FSTL5: variants seen among roughly 807,000 people sequenced by gnomAD.
FSTL5 encodes the protein follistatin like 5.
FSTL5 carries 62 observed loss-of-function variants against 89.1 expected under a neutral mutation model. The ratio of observed to expected loss-of-function variants is 0.70; its 90% CI spans 0.57 to 0.86. The LOEUF (loss-of-function observed/expected upper bound fraction) is 0.86. FSTL5 is among the 40% of genes least tolerant of loss of function. FSTL5 has a pLI of 0.00. For missense variants in FSTL5, 1,057 were observed against 1,001.6 expected, an observed-to-expected ratio of 1.06 and a Z score of -0.75; for synonymous variants, 383 against 346.2, an observed-to-expected ratio of 1.11 and a Z score of -1.18.
intron 6 of FSTL5, among the ~76,000 whole-genome samples, chr4:161,743,963 T>C (rs894400067): frequency 6.6e-6 from 1 of 152,182 alleles, no homozygotes; most frequent in Admixed American, 6.5e-5. Context: ...CTCTTCCTTC[T>C]AGTAGAATTC....
intron 2 of FSTL5, among the ~76,000 whole-genome samples, chr4:162,060,455 TGA>T (rs1162604827): frequency 5.3e-5 from 8 of 152,072 alleles, no homozygotes; most frequent in Non-Finnish European, 1.0e-4. Flanking sequence ...TAATAATGTA[TGA>T]GTCTATCTAA....
intron 3 of FSTL5, among the ~76,000 whole-genome samples, chr4:161,922,856 G>A (rs905575649): frequency 4.0e-5 from 6 of 151,828 alleles, no homozygotes; most frequent in African/African-American, 1.4e-4. Flanking sequence ...ATATGGTACT[G>A]GGCAAGTTTT....
chr4:161,713,752 A>G (rs1052559534), intron 6 of FSTL5, among the ~76,000 whole-genome samples: 14 of 152,106 alleles, frequency 9.2e-5, no homozygotes, highest in Admixed American at 2.6e-4. Context: ...TTTTCTTAAC[A>G]TTACAAAATA....
At chr4:161,529,424 A>G (rs1731337057) in intron 10 of FSTL5, among the ~76,000 whole-genome samples, 1 of 142,712 alleles carries the variant, frequency 7.0e-6, no homozygotes, top group Non-Finnish European at 1.5e-5. Flanking sequence ...AATTTATTAT[A>G]AATAATGAAA....
chr4:162,134,051 TTGTC>T (rs1331908051), intron 1 of FSTL5, among the ~76,000 whole-genome samples: 3 of 152,188 alleles, frequency 2.0e-5, no homozygotes, highest in African/African-American at 4.8e-5. Flanking sequence ...GTTTTGGTGT[TTGTC>T]TGTCAACTTT....
At chr4:161,824,617 A>T (rs1160902524) in intron 4 of FSTL5, among the ~76,000 whole-genome samples, 1 of 152,108 alleles carries the variant, frequency 6.6e-6, no homozygotes, top group Non-Finnish European at 1.5e-5. Flanking sequence ...TTCTTTCAGC[A>T]GTATTTTGTA....
At chr4:161,392,690 C>T (rs1046050636) in intron 15 of FSTL5, among the ~76,000 whole-genome samples, 1 of 152,008 alleles carries the variant, frequency 6.6e-6, no homozygotes, top group Non-Finnish European at 1.5e-5. Flanking sequence ...GAAAAAATAA[C>T]CTGAAAATCT....
chr4:162,048,514 C>A (rs1328603524), intron 2 of FSTL5, among the ~76,000 whole-genome samples: 1 of 151,804 alleles, frequency 6.6e-6, no homozygotes, highest in Non-Finnish European at 1.5e-5. Flanking sequence ...TCATATAAGA[C>A]CTTCACTACT....
chr4:161,783,202 A>G (rs6841860), intron 4 of FSTL5, among the ~76,000 whole-genome samples: 111,514 of 152,032 alleles, frequency 0.73, 40,960 homozygotes, highest in Non-Finnish European at 0.76. Context: ...ATTATAACTC[A>G]TCAAATGCAT....
At chr4:162,030,921 G>A (rs575139490) in intron 3 of FSTL5, among the ~76,000 whole-genome samples, 5 of 152,140 alleles carry the variant, frequency 3.3e-5, no homozygotes, top group South Asian at 2.1e-4. Context: ...CTTATTCTAG[G>A]TATGTTCCTC....
intron 7 of FSTL5, among the ~76,000 whole-genome samples, chr4:161,596,732 T>C (rs992228115): frequency 1.3e-5 from 2 of 152,148 alleles, no homozygotes; most frequent in Non-Finnish European, 2.9e-5. Context: ...ACAATGTAAT[T>C]CGTTAAAAGT....
At chr4:161,827,162 T>G (rs1050576890) in intron 4 of FSTL5, among the ~76,000 whole-genome samples, 3 of 152,180 alleles carry the variant, frequency 2.0e-5, no homozygotes, top group African/African-American at 7.2e-5. Context: ...TGATGTGGTG[T>G]TCTCCCCCTT....
chr4:161,738,106 TG>T (rs1259054399), intron 6 of FSTL5, among the ~76,000 whole-genome samples: 1 of 152,112 alleles, frequency 6.6e-6, no homozygotes, highest in Non-Finnish European at 1.5e-5. Context: ...ATAGTAATTA[TG>T]TTACACATTT....
At chr4:161,910,860 C>A (rs1733669482) in intron 4 of FSTL5, among the ~76,000 whole-genome samples, 1 of 152,056 alleles carries the variant, frequency 6.6e-6, no homozygotes, top group African/African-American at 2.4e-5. Flanking sequence ...ATTTATTTTT[C>A]TATAAATCTG....
chr4:161,542,275 A>G (rs1397109483), intron 9 of FSTL5, among the ~76,000 whole-genome samples: 1 of 152,050 alleles, frequency 6.6e-6, no homozygotes, highest in Admixed American at 6.6e-5. Context: ...TATTTTAAAG[A>G]TACATAATTT....
chr4:162,096,015 T>C (rs1183138240), intron 2 of FSTL5, among the ~76,000 whole-genome samples: 1 of 151,950 alleles, frequency 6.6e-6, no homozygotes, highest in East Asian at 1.9e-4. Flanking sequence ...CACATGCATA[T>C]AATGACTTAA....
chr4:161,387,411 T>C (rs1440636221), intron 15 of FSTL5: 1 of 152,024 alleles, frequency 6.6e-6, no homozygotes, highest in Non-Finnish European at 1.5e-5. Flanking sequence ...AGTAATACAA[T>C]GAAATTACCT....
intron 4 of FSTL5, among the ~76,000 whole-genome samples, chr4:161,813,171 C>T (rs1023791346): frequency 1.3e-5 from 2 of 151,936 alleles, no homozygotes; most frequent in South Asian, 2.1e-4. Flanking sequence ...GGACTACAGG[C>T]GCGTGCTACC....
chr4:161,386,184 C>T lies in FSTL5; in HGVS notation c.2107G>A (p.Gly703Ser). The change falls in exon 16 of 16, where the codon GGC (glycine) becomes AGC (serine). Residue 703 changes from glycine (G) to serine (S), a missense_variant. Coordinates refer to ENST00000306100, the MANE Select transcript of FSTL5 (RefSeq NM_020116.5). ...VTGTPYVSPD[G>S]HYLVSINDVK... The stretch of plus-strand genomic sequence containing the variant: ...TCATTAATGCTGACAAGGTAGTGGC[C>T]ATCTGGAGAGACATATGGAGTGCCC... 6.2e-7 allele frequency: 1 copy of T among 1,613,976 alleles called. No individual in the cohort carries two copies. The highest frequency in any genetic ancestry group is 8.5e-7 in the Non-Finnish European group (1 of 1,179,966).
Sources: gnomAD v4.1 joint callset for allele counts (sites outside exome capture counted in the v4.1 genomes callset) on GRCh38, gnomAD v4.1.1 for gene constraint, MANE v1.5 for transcripts, NCBI Gene and HGNC (gene_info 2026-07-23, HGNC 2026-07-21) for gene names.